The following GPC6 variants were observed in gnomAD, a reference collection of about 807,000 sequenced individuals.
GPC6 encodes glypican 6, also known as glypican-6.
GPC6 carries 14 observed loss-of-function variants against 55.2 expected under a neutral mutation model. The ratio of observed to expected loss-of-function variants is 0.25; its 90% CI spans 0.17 to 0.40. The LOEUF (loss-of-function observed/expected upper bound fraction) is 0.40. Ranked by LOEUF, GPC6 falls within the 10% of genes least tolerant of loss-of-function variation. The pLI is 1.00. For missense variants in GPC6, 641 were observed against 708.5 expected, an observed-to-expected ratio of 0.90 and a Z score of 1.08; for synonymous variants, 278 against 259.6, an observed-to-expected ratio of 1.07 and a Z score of -0.68.
chr13:93,788,543 A>ACACACACACC (rs1395809809), intron 2 of GPC6, among the ~76,000 whole-genome samples: 4 of 150,586 alleles, frequency 2.7e-5, no homozygotes, highest in South Asian at 2.1e-4. Flanking sequence ...ACACACACAC[A>ACACACACACC]CCTTGTCTGC....
chr13:93,333,636 A>T (rs1218604825), intron 1 of GPC6, among the ~76,000 whole-genome samples: 1 of 149,642 alleles, frequency 6.7e-6, no homozygotes, highest in Admixed American at 6.7e-5. Context: ...GGCTCAAGTG[A>T]TCCTCCCACC....
intron 2 of GPC6, among the ~76,000 whole-genome samples, chr13:93,681,515 T>C (rs1881845412): frequency 6.6e-6 from 1 of 152,144 alleles, no homozygotes; most frequent in Non-Finnish European, 1.5e-5. Flanking sequence ...CAGAAATCAA[T>C]TTGGATATTC....
At position 93,269,749 on chromosome 13, in the gene GPC6, C is replaced by A. The variant is rs1162792848; in HGVS notation, c.160+42133C>A. Among the ~76,000 whole-genome samples the A allele has an allele frequency of 1.1e-4, 15 of 137,414 alleles. 1 individual carries two copies. The highest frequency in any genetic ancestry group is 8.6e-4 in the Admixed American group (11 of 12,762). 90.1% of individuals were successfully genotyped at this position (137,414 alleles called of 152,430 possible). On this transcript the variant is annotated intron_variant, in intron 1 of 8. Coordinates refer to ENST00000377047, the MANE Select transcript of GPC6 (RefSeq NM_005708.5). ...GACTATCCTGGCTAGCACGGTGAAA[C>A]CCCATCTCTACTAAAAATACCAAAA...
Position 94,177,228 on chromosome 13 carries a change from T to G in GPC6, c.878-109121T>G, listed in dbSNP as rs1298264704. 2.0e-5 allele frequency among the ~76,000 whole-genome samples: 3 copies of G among 152,138 alleles called. No individual in the cohort carries two copies. The East Asian group carries it at 5.8e-4, about 29-fold the overall frequency. The stretch of plus-strand genomic sequence containing the variant: ...CATGTAAGAGAACACGATGTAAATT[T>G]TTTAGGTAAACATCATGAGAAAAGT... On this transcript the variant is annotated intron_variant, in intron 4 of 8. Coordinates refer to ENST00000377047, the MANE Select transcript of GPC6 (RefSeq NM_005708.5).
chr13:93,614,924 A>T (rs908013959), intron 2 of GPC6, among the ~76,000 whole-genome samples: 1 of 151,654 alleles, frequency 6.6e-6, no homozygotes, highest in African/African-American at 2.4e-5. Context: ...ACTTGGGTTG[A>T]TGATCTGCTT....
chr13:93,442,838 G>T (rs1288835946), intron 1 of GPC6, among the ~76,000 whole-genome samples: 7 of 151,934 alleles, frequency 4.6e-5, no homozygotes, highest in African/African-American at 1.7e-4. Context: ...GACATTCTCA[G>T]TTTTTTATCC....
At chr13:93,664,873 TTA>T (rs1881072488) in intron 2 of GPC6, among the ~76,000 whole-genome samples, 1 of 152,252 alleles carries the variant, frequency 6.6e-6, no homozygotes, top group Non-Finnish European at 1.5e-5. Context: ...GAACATCTTC[TTA>T]AATTGACAGA....
At chr13:93,843,201 C>T (rs1594513411) in intron 3 of GPC6, among the ~76,000 whole-genome samples, 1 of 151,842 alleles carries the variant, frequency 6.6e-6, no homozygotes, top group South Asian at 2.1e-4. Flanking sequence ...AACAGCCTTA[C>T]CTAGAAAATA....
chr13:93,667,743 T>TTTTTTTTCCTGTCAAATTTGTA (rs1447289109), intron 2 of GPC6, among the ~76,000 whole-genome samples: 2 of 147,994 alleles, frequency 1.4e-5, no homozygotes, highest in African/African-American at 5.3e-5. Context: ...TTGTTTTTTT[T>TTTTTTTTCCTGTCAAATTTGTA]TTTTTCTGTC....
chr13:94,124,550 TG>T (rs978701369), intron 4 of GPC6, among the ~76,000 whole-genome samples: 2 of 151,620 alleles, frequency 1.3e-5, no homozygotes, highest in African/African-American at 4.8e-5. Context: ...AAGCACACAC[TG>T]GGGGATAGAG....
chr13:93,940,043 T>C (rs949879977), intron 3 of GPC6, among the ~76,000 whole-genome samples: 4 of 152,144 alleles, frequency 2.6e-5, no homozygotes, highest in Admixed American at 2.6e-4. Context: ...TGAAAGAAAA[T>C]AAGTCTTTAA....
chr13:93,360,097 AG>A (rs1555293720), intron 1 of GPC6, among the ~76,000 whole-genome samples: 7 of 152,318 alleles, frequency 4.6e-5, no homozygotes. Context: ...AGCCAGTAAA[AG>A]AACATCATTC....
rs564159969 is a variant in GPC6 at position 93,820,943 on chromosome 13, T to C, written c.320-9211T>C. On this transcript the variant is annotated intron_variant, in intron 2 of 8. Transcript: ENST00000377047. ...AGCACATTTTAACATATGAAAATAC[T>C]GAAAGAAAAGGAACTTTTATTCTAC... Among the ~76,000 whole-genome samples, 3 of 152,278 alleles carry C rather than the reference T, an allele frequency of 2.0e-5. No individual in the cohort carries two copies. The South Asian group carries it at 6.2e-4, about 32-fold the overall frequency.
intron 4 of GPC6, among the ~76,000 whole-genome samples, chr13:94,242,507 G>A (rs2065546): frequency 0.53 from 79,798 of 151,742 alleles, 21,507 homozygotes; most frequent in East Asian, 0.64. Flanking sequence ...ATGTCCATCA[G>A]TGATAGACTG....
chr13:94,125,300 A>G (rs1463160405), intron 4 of GPC6, among the ~76,000 whole-genome samples: 1 of 152,132 alleles, frequency 6.6e-6, no homozygotes, highest in East Asian at 1.9e-4. Context: ...ATCTCAAAAA[A>G]AGGAACCTGC....
At chr13:94,152,806 A>G (rs1421453025) in intron 4 of GPC6, among the ~76,000 whole-genome samples, 2 of 152,154 alleles carry the variant, frequency 1.3e-5, no homozygotes, top group East Asian at 1.9e-4. Context: ...ATAATTTACT[A>G]TTTTTAAACG....
intron 4 of GPC6, among the ~76,000 whole-genome samples, chr13:94,146,140 A>G (rs1208580850): frequency 6.6e-6 from 1 of 152,276 alleles, no homozygotes; most frequent in Non-Finnish European, 1.5e-5. Flanking sequence ...ATCATGTCAC[A>G]TGCTATTTTC....
intron 1 of GPC6, among the ~76,000 whole-genome samples, chr13:93,364,559 T>C (rs1221581748): frequency 2.0e-5 from 3 of 151,884 alleles, no homozygotes; most frequent in African/African-American, 7.3e-5. Context: ...CCATAAGCAG[T>C]GATGGGATAG....
At chr13:94,084,170 G>A (rs1042218153) in intron 4 of GPC6, among the ~76,000 whole-genome samples, 24 of 152,080 alleles carry the variant, frequency 1.6e-4, no homozygotes, top group Non-Finnish European at 2.2e-4. Flanking sequence ...AGCACTTTTC[G>A]AAATGTTCTG....
Sources: gnomAD v4.1 joint callset for allele counts (sites outside exome capture counted in the v4.1 genomes callset) on GRCh38, gnomAD v4.1.1 for gene constraint, MANE v1.5 for transcripts, NCBI Gene and HGNC (gene_info 2026-07-23, HGNC 2026-07-21) for gene names.